Variants in SEMA3A observed in about 807,000 individuals in gnomAD.
The protein encoded by SEMA3A is semaphorin 3A.
A neutral mutation model predicts 97.9 loss-of-function variants in SEMA3A; 29 were observed. The ratio of observed to expected loss-of-function variants is 0.30; its 90% confidence interval spans 0.22 to 0.40. The LOEUF (loss-of-function observed/expected upper bound fraction) is 0.40. Ranked by LOEUF, SEMA3A falls within the 10% of genes least tolerant of loss-of-function variation. The pLI is 1.00. For synonymous variants in SEMA3A, 321 were observed against 323.7 expected (o/e 0.99, Z 0.09); for missense variants, 763 against 951.3 (o/e 0.80, Z 2.60).
intron 12 of SEMA3A, among the ~76,000 whole-genome samples, chr7:83,989,678 T>G (rs1414100825): frequency 8.0e-6 from 1 of 125,218 alleles, no homozygotes; most frequent in Non-Finnish European, 1.7e-5. Flanking sequence ...TAGTATTCCA[T>G]GGTGTATATG....
At chr7:84,096,074 T>G (rs2115875421) in intron 4 of SEMA3A, among the ~76,000 whole-genome samples, 1 of 152,172 alleles carries the variant, frequency 6.6e-6, no homozygotes. Context: ...ATTTAATTTT[T>G]GAATACAAAA....
chr7:84,211,621 T>TAA (rs199994006), intron 3 of SEMA3A, among the ~76,000 whole-genome samples: 162 of 144,402 alleles, frequency 1.1e-3, no homozygotes, highest in Admixed American at 1.8e-3. Flanking sequence ...AAACTCCATC[T>TAA]AAAAAAAAAA....
At chr7:84,101,075 A>C (rs986158726) in intron 4 of SEMA3A, among the ~76,000 whole-genome samples, 1 of 152,162 alleles carries the variant, frequency 6.6e-6, no homozygotes, top group Non-Finnish European at 1.5e-5. Flanking sequence ...CTGCTTCCCC[A>C]TGGAACCCTA....
chr7:84,358,782 T>G (rs1802636200), intron 2 of SEMA3A, among the ~76,000 whole-genome samples: 1 of 152,208 alleles, frequency 6.6e-6, no homozygotes, highest in South Asian at 2.1e-4. Flanking sequence ...TGGAATGTTC[T>G]TCCATTTGTT....
chr7:84,210,190 G>A (rs1210075338), intron 3 of SEMA3A, among the ~76,000 whole-genome samples: 1 of 152,098 alleles, frequency 6.6e-6, no homozygotes, highest in South Asian at 2.1e-4. Flanking sequence ...TGAATAAGAT[G>A]TGATTCCTGC....
intron 1 of SEMA3A, among the ~76,000 whole-genome samples, chr7:84,490,902 T>C (rs1204475774): frequency 6.6e-6 from 1 of 152,150 alleles, no homozygotes; most frequent in Non-Finnish European, 1.5e-5. Flanking sequence ...ATAGTGAAAT[T>C]AGAATCTCTC....
intron 2 of SEMA3A, among the ~76,000 whole-genome samples, chr7:84,315,930 T>G (rs1801483625): frequency 6.6e-6 from 1 of 151,520 alleles, no homozygotes; most frequent in African/African-American, 2.4e-5. Flanking sequence ...TTTGTATTAC[T>G]AATATATATT....
intron 5 of SEMA3A, among the ~76,000 whole-genome samples, chr7:84,049,030 T>C (rs563538271): frequency 6.4e-4 from 97 of 152,190 alleles, no homozygotes; most frequent in Non-Finnish European, 1.2e-3. Flanking sequence ...AGAAATAATA[T>C]TTTATTTCTC....
intron 6 of SEMA3A, among the ~76,000 whole-genome samples, chr7:84,019,054 G>A (rs1212855222): frequency 6.6e-6 from 1 of 152,178 alleles, no homozygotes; most frequent in Non-Finnish European, 1.5e-5. Context: ...GGGTAGTGAA[G>A]ATAGAGAAAG....
intron 2 of SEMA3A, among the ~76,000 whole-genome samples, chr7:84,320,466 A>G (rs1220968153): frequency 6.6e-6 from 1 of 152,148 alleles, no homozygotes; most frequent in Non-Finnish European, 1.5e-5. Context: ...TGCTAGCCTA[A>G]TCATATACTT....
At chr7:84,492,196 G>A (rs1806751519) in intron 1 of SEMA3A, among the ~76,000 whole-genome samples, 1 of 152,050 alleles carries the variant, frequency 6.6e-6, no homozygotes, top group Non-Finnish European at 1.5e-5. Flanking sequence ...AGTTAATACG[G>A]CAAAATACAG....
intron 3 of SEMA3A, among the ~76,000 whole-genome samples, chr7:84,247,823 G>A (rs1372111098): frequency 6.6e-6 from 1 of 152,120 alleles, no homozygotes; most frequent in Non-Finnish European, 1.5e-5. Context: ...ATGAGTCTTA[G>A]AAGAACTTAA....
chr7:83,972,740 G>C (rs1788969787), intron 15 of SEMA3A, among the ~76,000 whole-genome samples: 1 of 152,118 alleles, frequency 6.6e-6, no homozygotes, highest in South Asian at 2.1e-4. Flanking sequence ...GTAGGTGTAT[G>C]AACAGGTGAT....
At chr7:84,217,515 C>T (rs553017450) in intron 3 of SEMA3A, among the ~76,000 whole-genome samples, 86 of 152,134 alleles carry the variant, frequency 5.7e-4, no homozygotes, top group Non-Finnish European at 1.0e-3. Context: ...ACTAAATCTA[C>T]CATGTGCTGT....
At chr7:84,450,551 C>A (rs1351006803) in intron 1 of SEMA3A, among the ~76,000 whole-genome samples, 1 of 152,160 alleles carries the variant, frequency 6.6e-6, no homozygotes, top group Non-Finnish European at 1.5e-5. Context: ...AAGACTCCAT[C>A]CATTCTGGAA....
intron 1 of SEMA3A, among the ~76,000 whole-genome samples, chr7:84,489,992 T>A (rs1178512545): frequency 6.6e-6 from 1 of 152,008 alleles, no homozygotes; most frequent in African/African-American, 2.4e-5. Context: ...TTTAATTACT[T>A]ATATTGCAAT....
chr7:84,171,694 T>A (rs535151640), intron 1 of SEMA3A, among the ~76,000 whole-genome samples: 79 of 152,246 alleles, frequency 5.2e-4, no homozygotes, highest in African/African-American at 1.9e-3. Flanking sequence ...CCTAAGATGA[T>A]GTAAATGTAA....
At chr7:84,172,423 T>G (rs2116208513) in intron 1 of SEMA3A, among the ~76,000 whole-genome samples, 1 of 152,224 alleles carries the variant, frequency 6.6e-6, no homozygotes. Context: ...CACTTTTTCT[T>G]TTCTTTTTTT....
intron 1 of SEMA3A, among the ~76,000 whole-genome samples, chr7:84,193,658 C>A (rs1366293906): frequency 2.0e-5 from 3 of 151,964 alleles, no homozygotes; most frequent in Non-Finnish European, 4.4e-5. Context: ...CCTATCTAAG[C>A]AAATGTGGAA....
Sources: allele counts gnomAD v4.1 joint callset (sites outside exome capture counted in the v4.1 genomes callset), GRCh38; gene constraint gnomAD v4.1.1; transcripts MANE v1.5; gene names NCBI Gene and HGNC (gene_info 2026-07-23, HGNC 2026-07-21).